Variants in SLC25A21 observed in about 807,000 individuals in gnomAD.
SLC25A21 encodes the protein solute carrier family 25 member 21.
SLC25A21 carries 47 observed loss-of-function variants against 43.8 expected under a neutral mutation model. The observed-to-expected ratio is 1.07, with a 90% CI of 0.85 to 1.37. SLC25A21 has a LOEUF of 1.37. Among genes scored for constraint, SLC25A21 ranks in the 40% most tolerant of loss-of-function variants. SLC25A21 has a pLI of 0.00. For synonymous variants in SLC25A21, 131 were observed against 121.3 expected, an observed-to-expected ratio of 1.08 and a Z score of -0.52; for missense variants, 352 against 350.2, an observed-to-expected ratio of 1.00 and a Z score of -0.04.
chr14:36,826,388 T>C (rs1475095372), intron 2 of SLC25A21, among the ~76,000 whole-genome samples: 1 of 152,058 alleles, frequency 6.6e-6, no homozygotes, highest in Non-Finnish European at 1.5e-5. Context: ...CCCTGTATAG[T>C]TTTGTGCTGT....
chr14:37,036,896 C>A (rs1566832077), intron 1 of SLC25A21, among the ~76,000 whole-genome samples: 1 of 152,136 alleles, frequency 6.6e-6, no homozygotes, highest in African/African-American at 2.4e-5. Flanking sequence ...AGAATGAGTT[C>A]TTGTGTGAGT....
chr14:36,946,317 T>C (rs1892678455), intron 1 of SLC25A21, among the ~76,000 whole-genome samples: 1 of 152,166 alleles, frequency 6.6e-6, no homozygotes, highest in Non-Finnish European at 1.5e-5. Context: ...CTCTTGTTTC[T>C]AAATAATGTC....
intron 1 of SLC25A21, among the ~76,000 whole-genome samples, chr14:36,914,343 A>G (rs1199399721): frequency 6.6e-6 from 1 of 152,210 alleles, no homozygotes; most frequent in Non-Finnish European, 1.5e-5. Context: ...AAACATTGGT[A>G]AGGTAAACTC....
chr14:36,730,049 A>G (rs1289027073), intron 4 of SLC25A21, among the ~76,000 whole-genome samples: 6 of 152,208 alleles, frequency 3.9e-5, no homozygotes, highest in African/African-American at 9.6e-5. Context: ...AATTGAAAAC[A>G]CTAAATAATT....
At chr14:36,722,719 T>C (rs532026621) in intron 6 of SLC25A21, among the ~76,000 whole-genome samples, 2 of 152,282 alleles carry the variant, frequency 1.3e-5, no homozygotes, top group African/African-American at 4.8e-5. Context: ...TTCTATTAGA[T>C]AGCACTGCTC....
chr14:37,151,651 G>C (rs1963760806), intron 1 of SLC25A21, among the ~76,000 whole-genome samples: 1 of 152,162 alleles, frequency 6.6e-6, no homozygotes, highest in Non-Finnish European at 1.5e-5. Context: ...TAATGGATGA[G>C]AGCTCAAGCT....
At chr14:36,998,857 T>C (rs1248852348) in intron 1 of SLC25A21, among the ~76,000 whole-genome samples, 1 of 152,076 alleles carries the variant, frequency 6.6e-6, no homozygotes, top group Non-Finnish European at 1.5e-5. Context: ...TGAGACAGCA[T>C]TACACATCTA....
intron 1 of SLC25A21, among the ~76,000 whole-genome samples, chr14:36,929,754 T>C (rs183666202): frequency 6.6e-6 from 1 of 152,280 alleles, no homozygotes; most frequent in Admixed American, 6.5e-5. Flanking sequence ...ATAGCTCGTC[T>C]CCAAGAAGGC....
intron 1 of SLC25A21, among the ~76,000 whole-genome samples, chr14:36,993,642 C>T (rs911008): frequency 0.43 from 65,841 of 152,010 alleles, 17,785 homozygotes; most frequent in African/African-American, 0.78. Context: ...AAGGGACAAA[C>T]TGAGTATGAG....
At chr14:37,166,319 GTAC>G (rs1379339316) in intron 1 of SLC25A21, among the ~76,000 whole-genome samples, 1 of 152,204 alleles carries the variant, frequency 6.6e-6, no homozygotes, top group African/African-American at 2.4e-5. Context: ...AGTGAGCAAG[GTAC>G]TACTTAATGG....
At chr14:37,010,192 T>C (rs1960700332) in intron 1 of SLC25A21, among the ~76,000 whole-genome samples, 1 of 152,306 alleles carries the variant, frequency 6.6e-6, no homozygotes, top group Non-Finnish European at 1.5e-5. Flanking sequence ...CAGAACATAG[T>C]AGACACTCAA....
intron 2 of SLC25A21, among the ~76,000 whole-genome samples, chr14:36,864,436 T>C (rs1290671950): frequency 6.6e-6 from 1 of 152,244 alleles, no homozygotes; most frequent in African/African-American, 2.4e-5. Context: ...AAATCTTTAC[T>C]AATGACTGCA....
chr14:36,698,730 T>TCA (rs1883148206), intron 7 of SLC25A21, among the ~76,000 whole-genome samples: 1 of 152,188 alleles, frequency 6.6e-6, no homozygotes, highest in Non-Finnish European at 1.5e-5. Flanking sequence ...TGTGCATGCA[T>TCA]CATGAAGTTC....
chr14:37,031,832 T>C (rs1961217348), intron 1 of SLC25A21, among the ~76,000 whole-genome samples: 1 of 152,208 alleles, frequency 6.6e-6, no homozygotes, highest in Non-Finnish European at 1.5e-5. Flanking sequence ...GTCACACAAC[T>C]GGTTGGGAGA....
intron 1 of SLC25A21, among the ~76,000 whole-genome samples, chr14:36,928,330 C>T (rs183289159): frequency 1.3e-5 from 2 of 152,214 alleles, no homozygotes; most frequent in African/African-American, 2.4e-5. Context: ...TAAACATGAT[C>T]GTTTTGCTTT....
chr14:36,680,021 G>C lies in SLC25A21; in HGVS notation c.*637C>G. On this transcript the variant is annotated 3_prime_UTR_variant, in exon 10 of 10. Coordinates refer to ENST00000331299, the MANE Select transcript of SLC25A21 (RefSeq NM_030631.4). Reference sequence around the variant, plus strand: ...CCTATTTATTATCTTACAGCAATATGAGATATAAAGTAGATGTAGGAAAAT... The same window carrying C: ...CCTATTTATTATCTTACAGCAATATCAGATATAAAGTAGATGTAGGAAAAT... The C allele has an allele frequency of 2.1e-5, 18 of 857,084 alleles. No individual in the cohort carries two copies. Among genetic ancestry groups the C allele is most frequent in the Non-Finnish European group, 2.5e-5 (18 of 714,504 alleles). 53.1% of individuals were successfully genotyped at this position (857,084 alleles called of 1,614,324 possible). A position where few individuals can be genotyped will look rare whatever the true frequency, so the allele number is the denominator to read the frequency against.
chr14:37,060,647 G>A (rs1961928807), intron 1 of SLC25A21, among the ~76,000 whole-genome samples: 1 of 151,634 alleles, frequency 6.6e-6, no homozygotes, highest in African/African-American at 2.4e-5. Context: ...AACCCTGGAT[G>A]TACCAAATAA....
chr14:36,920,620 T>C (rs1891954639), intron 1 of SLC25A21, among the ~76,000 whole-genome samples: 1 of 152,084 alleles, frequency 6.6e-6, no homozygotes. Context: ...TTTTGTATAG[T>C]GATGCTACTC....
chr14:36,899,120 T>G (rs79722915), intron 1 of SLC25A21, among the ~76,000 whole-genome samples: 2,478 of 152,292 alleles, frequency 0.016, 72 homozygotes, highest in African/African-American at 0.056. Context: ...TTGGGTATGG[T>G]GGCTCATGCC....
Sources: gnomAD v4.1 joint callset for allele counts (sites outside exome capture counted in the v4.1 genomes callset) on GRCh38, gnomAD v4.1.1 for gene constraint, MANE v1.5 for transcripts, NCBI Gene and HGNC (gene_info 2026-07-23, HGNC 2026-07-21) for gene names.